The following LAMB2 variants were observed in gnomAD, a reference collection of about 807,000 sequenced individuals.
LAMB2 encodes laminin subunit beta 2, also known as laminin subunit beta-2.
A neutral mutation model predicts 202.7 loss-of-function variants in LAMB2; 119 were observed. The observed-to-expected ratio is 0.59, with a 90% CI of 0.51 to 0.68. LAMB2 has a LOEUF of 0.68. Ranked by LOEUF, LAMB2 falls within the 30% of genes least tolerant of loss-of-function variation. The probability of loss-of-function intolerance (pLI) is 0.00; values close to 1 mark genes in which losing one functional copy is unlikely to be tolerated. For synonymous variants in LAMB2, 818 were observed against 902.2 expected (o/e 0.91, Z 1.67); for missense variants, 2,124 against 2,410.6 (o/e 0.88, Z 2.49).
intron 16 of LAMB2, 35 bp downstream of exon 16, chr3:49,126,330 A>G: frequency 6.2e-7 from 1 of 1,614,042 alleles, no homozygotes; most frequent in East Asian, 2.2e-5. Flanking sequence ...GGGCCCTGCC[A>G]TCTTGGTTGG....
chr3:49,123,927 C>T lies in LAMB2; in HGVS notation c.3598G>A (p.Val1200Met). ...GTACGGGCTGCCAAGTCCTGCACCA[C>T]TCGGTCCCAATCCCCGAAGCATGCA... ...CHACFGDWDR[V>M]VQDLAARTQR... is the part of the protein sequence containing the mutation. Residue 1200 changes from valine to methionine, a missense_variant, in exon 24 of 32, where the codon GTG (valine) becomes ATG (methionine). By Grantham distance (21) the Val-to-Met change is conservative (BLOSUM62 1). Transcript: ENST00000305544. 1.9e-6 allele frequency: 3 copies of T among 1,613,322 alleles called. No individual in the cohort carries two copies. The highest frequency in any genetic ancestry group is 2.5e-6 in the Non-Finnish European group (3 of 1,180,026).
intron 13 of LAMB2, 85 bp downstream of exon 13, chr3:49,128,935 A>G (rs1438865187): frequency 1.2e-5 from 19 of 1,600,086 alleles, no homozygotes; most frequent in African/African-American, 2.7e-5. Context: ...TATCCCCTCA[A>G]CAAGGTACTG....
chr3:49,129,773 G>A lies in LAMB2; in HGVS notation c.1406-57C>T. 1 of 1,608,976 alleles carries A rather than the reference G, an allele frequency of 6.2e-7. No individual in the cohort carries two copies. The highest frequency in any genetic ancestry group is 8.5e-7 in the Non-Finnish European group (1 of 1,175,524). The stretch of plus-strand genomic sequence containing the variant: ...GAAACTGTGGCAGTGCTCATGTTCA[G>A]CTGAGTCAGGAGTAAGAGGACAGGG... On this transcript the variant is annotated intron_variant, in intron 10 of 31. Coordinates refer to ENST00000305544, the MANE Select transcript of LAMB2 (RefSeq NM_002292.4). This position sits in a 1 kb window ranked among gnomAD's most constrained non-coding sequence, Gnocchi z 6.1.
rs147048312 is a variant in LAMB2 at position 49,131,237 on chromosome 3, T to G, written c.713-85A>C. 5.6e-4 allele frequency: 840 copies of G among 1,492,388 alleles called. 7 individuals carry two copies. In the African/African-American group the frequency reaches 0.011, roughly 19 times the overall value. The allele number at this position is 1,492,388 out of a possible 1,614,324, so 92.4% of individuals were successfully genotyped here. ...CAGGGGCTCAGCTGCCAAGGTCACCTTGAAAGACCTCCTATACACTGCCAC... is the reference window on the plus strand; with the variant it reads ...CAGGGGCTCAGCTGCCAAGGTCACCGTGAAAGACCTCCTATACACTGCCAC... On this transcript the variant is annotated intron_variant, in intron 6 of 31. Transcript: ENST00000305544. This position sits in a 1 kb window ranked among gnomAD's most constrained non-coding sequence, Gnocchi z 5.0.
rs767544919 is a variant in LAMB2 at position 49,132,374 on chromosome 3, C to G, written c.281G>C (p.Arg94Pro). The G allele has an allele frequency of 2.5e-6, 4 of 1,614,094 alleles. No individual in the cohort carries two copies. The highest frequency in any genetic ancestry group is 1.6e-4 in the Middle Eastern group (1 of 6,084). Residue 94 changes from arginine (R) to proline (P), a missense_variant, in exon 3 of 32, where the codon CGG becomes CCG. Coordinates refer to ENST00000305544, the MANE Select transcript of LAMB2 (RefSeq NM_002292.4). This position sits in a 1 kb window ranked among gnomAD's most constrained non-coding sequence, Gnocchi z 4.6. Reference protein sequence around the residue: ...DEKKCFLCDSRRPFSARDNPH... With the variant: ...DEKKCFLCDSPRPFSARDNPH... ...GTTGTCTCTAGCAGAGAAGGGGCGC[C>G]GGGAGTCACAAAGGAAGCACTTCTT...
At chr3:49,123,089 G>A (rs369203812) in intron 26 of LAMB2, 37 bp from the exon 27 acceptor site, 43 of 1,606,668 alleles carry the variant, frequency 2.7e-5, no homozygotes, top group Non-Finnish European at 3.6e-5. Flanking sequence ...CCTGTGAGAG[G>A]AACATCTACA....
chr3:49,132,443 G>C lies in LAMB2; in HGVS notation c.250-38C>G. ...GGGATTAGAATCAGTGCCTCAGGCAGTGCCAGCCCCACCCTGACTCGGCGT... is the reference window on the plus strand; with the variant it reads ...GGGATTAGAATCAGTGCCTCAGGCACTGCCAGCCCCACCCTGACTCGGCGT... On this transcript the variant is annotated intron_variant, in intron 2 of 31. Coordinates refer to ENST00000305544, the MANE Select transcript of LAMB2 (RefSeq NM_002292.4). This position sits in a 1 kb window ranked among gnomAD's most constrained non-coding sequence, Gnocchi z 4.6. The C allele has an allele frequency of 6.2e-7, 1 of 1,614,212 alleles. No homozygotes were observed. Among genetic ancestry groups the C allele is most frequent in the Non-Finnish European group, 8.5e-7 (1 of 1,180,034 alleles).
At position 49,123,202 on chromosome 3, in the gene LAMB2, G is replaced by A; in HGVS notation, c.4154C>T (p.Ala1385Val). ...GAGCTTGCCAAGTGCCCGCTGGTTG[G>A]CCATGTGTTTGCTGTTGAAGTCCTC... ...QKEDFNSKHMANQRALGKLSA... is the reference protein window; with the variant it reads ...QKEDFNSKHMVNQRALGKLSA... Residue 1385 changes from alanine to valine, a missense_variant, in exon 26 of 32, where the codon GCC becomes GTC. By Grantham distance (64) the Ala-to-Val change is moderately conservative. Coordinates refer to ENST00000305544, the MANE Select transcript of LAMB2 (RefSeq NM_002292.4). The A allele has an allele frequency of 6.2e-7, 1 of 1,613,926 alleles. No individual in the cohort carries two copies. Among genetic ancestry groups the A allele is most frequent in the African/African-American group, 1.3e-5 (1 of 75,062 alleles).
chr3:49,124,372 G>A (rs767858520), intron 22 of LAMB2, 23 bp downstream of exon 22: 1 of 1,612,888 alleles, frequency 6.2e-7, no homozygotes, highest in Non-Finnish European at 8.5e-7. Context: ...ATCTAACCAG[G>A]GATCTGCAGG....
chr3:49,122,663 A>G (rs2045347612), intron 27 of LAMB2, 41 bp downstream of exon 27: 4 of 1,547,806 alleles, frequency 2.6e-6, no homozygotes, highest in South Asian at 2.2e-5. Context: ...GGAGTTGCCA[A>G]AGGGGACAAC....
At position 49,126,053 on chromosome 3, in the gene LAMB2, C is replaced by A. The variant is rs780591744; in HGVS notation, c.2258G>T (p.Gly753Val). 6.2e-7 allele frequency: 1 copy of A among 1,614,032 alleles called. No homozygotes were observed. The highest frequency in any genetic ancestry group is 2.2e-5 in the East Asian group (1 of 44,898). Residue 753 changes from glycine to valine, a missense_variant, in exon 17 of 32, where the codon GGT (glycine) becomes GTT (valine). Coordinates refer to ENST00000305544, the MANE Select transcript of LAMB2 (RefSeq NM_002292.4). The stretch of plus-strand genomic sequence containing the variant: ...GGGAGAAGTCTTGCTGGGCACCAGA[C>A]CCTCCTCATGGCATTGGTAGCGTTC... ...TFERYQCHEE[G>V]LVPSKTSPSE...
At chr3:49,123,682 T>G (rs1358256323) in intron 24 of LAMB2, 46 bp downstream of exon 24, 1 of 1,613,730 alleles carries the variant, frequency 6.2e-7, no homozygotes, top group Admixed American at 1.7e-5. Flanking sequence ...CCTGGTCCAC[T>G]GGGCCTCTGC....
At chr3:49,124,667 C>G in intron 21 of LAMB2, 34 bp downstream of exon 21, 1 of 1,613,752 alleles carries the variant, frequency 6.2e-7, no homozygotes, top group Non-Finnish European at 8.5e-7. Flanking sequence ...AGCAGAACCC[C>G]AATTCAGCCA....
intron 15 of LAMB2, 58 bp from the exon 16 acceptor site, chr3:49,126,555 T>C: frequency 6.2e-7 from 1 of 1,606,350 alleles, no homozygotes; most frequent in Non-Finnish European, 8.5e-7. Flanking sequence ...ACAAATCATC[T>C]GGGCCTCCCC....
At position 49,126,415 on chromosome 3, in the gene LAMB2, T is replaced by G. The variant is rs957614429; in HGVS notation, c.2101A>C (p.Ser701Arg). 2 of 1,614,062 alleles carry G rather than the reference T, an allele frequency of 1.2e-6. No homozygotes were observed. The highest frequency in any genetic ancestry group is 1.3e-5 in the African/African-American group (1 of 74,910). ...GAGTAGGGAGTCTCAGGCTGGGCAC[T>G]TCCCCCTGTCCGTACCAGCTTCAGA... ...LHLKLVRTGG[S>R]AQPETPYSGP... The change falls in exon 16 of 32, where the codon AGT becomes CGT. Residue 701 changes from serine (S) to arginine (R), a missense_variant. Physicochemically the swap from Ser to Arg is moderately radical, Grantham distance 110. Transcript: ENST00000305544.
Position 49,131,585 on chromosome 3 carries a change from C to T in LAMB2, c.598G>A (p.Val200Ile), listed in dbSNP as rs149325182. 74 of 1,613,928 alleles carry T rather than the reference C, an allele frequency of 4.6e-5. No individual in the cohort carries two copies. In the African/African-American group the frequency reaches 9.1e-4, roughly 20 times the overall value. Residue 200 changes from valine to isoleucine, a missense_variant, in exon 5 of 32, where the codon GTA becomes ATA. Val to Ile is a conservative substitution (Grantham distance 29). Transcript: ENST00000305544. This position sits in a 1 kb window ranked among gnomAD's most constrained non-coding sequence, Gnocchi z 5.0. ...PLAPPRHWDD[V>I]VCESRYSEIE... ...TCTGAGTAGCGGGACTCACAGACTA[C>T]ATCATCCCAGTGCCGTGGGGGTGCT...
chr3:49,123,591 C>T lies in LAMB2; in HGVS notation c.3838G>A (p.Glu1280Lys), dbSNP rs532092193. The T allele has an allele frequency of 4.5e-5, 72 of 1,614,190 alleles. No homozygotes were observed. In the South Asian group the frequency reaches 5.4e-4, roughly 12 times the overall value. ...GEATEHLTQL[E>K]ADLTDVQDEN... ...TCTTGCACATCTGTCAGGTCTGCCTCGAGCTGAGTCAGGTGCTCAGTGGCC... is the reference window on the plus strand; with the variant it reads ...TCTTGCACATCTGTCAGGTCTGCCTTGAGCTGAGTCAGGTGCTCAGTGGCC... The change falls in exon 25 of 32, where the codon GAG becomes AAG. Residue 1280 changes from glutamate to lysine, a missense_variant. This residue lies in a region of LAMB2 where 1,702 missense variants were observed against 1,896.3 expected (regional missense o/e 0.90). Coordinates refer to ENST00000305544, the MANE Select transcript of LAMB2 (RefSeq NM_002292.4).
At position 49,125,437 on chromosome 3, in the gene LAMB2, T is replaced by C. The variant is rs767673623; in HGVS notation, c.2536A>G (p.Thr846Ala). The C allele has an allele frequency of 1.2e-6, 2 of 1,613,378 alleles. No individual in the cohort carries two copies. The highest frequency in any genetic ancestry group is 1.7e-5 in the Admixed American group (1 of 59,932). Residue 846 changes from threonine to alanine, a missense_variant, in exon 19 of 32, where the codon ACC (threonine) becomes GCC (alanine). Transcript: ENST00000305544. ...GTTCGACAGAGACATTGCCCACTGGTCTTTTCACAGAGACTGCTGAGTGCC... is the reference window on the plus strand; with the variant it reads ...GTTCGACAGAGACATTGCCCACTGGCCTTTTCACAGAGACTGCTGAGTGCC... ...EGALSSLCEK[T>A]SGQCLCRTGA...
In LAMB2 at chr3:49,125,163, A is replaced by G. The variant is rs376904255; in HGVS notation, c.2727T>C (p.Ile909=). The G allele has an allele frequency of 6.0e-5, 97 of 1,613,444 alleles. No individual in the cohort carries two copies. The highest frequency in any genetic ancestry group is 7.9e-5 in the Non-Finnish European group (93 of 1,179,944). Residue 909 remains isoleucine (I), a synonymous_variant, in exon 20 of 32, where the codon ATT becomes ATC. Coordinates refer to ENST00000305544, the MANE Select transcript of LAMB2 (RefSeq NM_002292.4). ...GCCGTGGGTCCCCGTGGAAACCAGC[A>G]ATGCACCTGCAGGGAGGAGGAAGAA... ...HTGGEHCERC[I]AGFHGDPRLP...
Sources: gnomAD v4.1 joint callset for allele counts on GRCh38, gnomAD v4.1.1 for gene constraint, gnomAD v4.1.1 regional missense constraint, Gnocchi (gnomAD v3.1) non-coding constraint, MANE v1.5 for transcripts, NCBI Gene and HGNC (gene_info 2026-07-23, HGNC 2026-07-21) for gene names.